Variants in C2 observed in about 807,000 individuals in gnomAD.
The protein encoded by C2 is complement C2.
C2 carries 64 observed loss-of-function variants against 85.2 expected under a neutral mutation model. The ratio of observed to expected loss-of-function variants is 0.75; its 90% CI spans 0.61 to 0.92. C2 has a LOEUF of 0.92. Among genes scored for constraint, C2 ranks in the 40% least tolerant of loss-of-function variants. The pLI is 0.00. For missense variants in C2, 820 were observed against 971.6 expected (o/e 0.84, Z 2.07); for synonymous variants, 311 against 370.8 (o/e 0.84, Z 1.85).
At chr6:31,905,825 G>T (rs936726002) in intron 1 of C2, among the ~76,000 whole-genome samples, 8 of 151,940 alleles carry the variant, frequency 5.3e-5, no homozygotes, top group African/African-American at 1.7e-4. Context: ...TTGAAAAGGG[G>T]TGTTTATGTT....
At position 31,937,402 on chromosome 6, in the gene C2, G is replaced by A. The variant is rs1395795972; in HGVS notation, c.1072G>A (p.Gly358Ser). 1.9e-6 allele frequency: 3 copies of A among 1,612,636 alleles called. No individual in the cohort carries two copies. Among genetic ancestry groups the A allele is most frequent in the Non-Finnish European group, 2.5e-6 (3 of 1,179,944 alleles). Residue 358 changes from glycine to serine, a missense_variant, in exon 8 of 18, where the codon GGC becomes AGC. Gly to Ser is a moderately conservative substitution (Grantham distance 56). Coordinates refer to ENST00000299367, the MANE Select transcript of C2 (RefSeq NM_000063.6). ...LMMNNQMRLL[G>S]METMAWQEIR... The stretch of plus-strand genomic sequence containing the variant: ...GATGAACAACCAAATGCGACTCCTC[G>A]GCATGGAAACGATGGCCTGGCAGGA...
intron 3 of C2, among the ~76,000 whole-genome samples, chr6:31,931,262 C>CTTTTTT (rs748883719): frequency 9.0e-6 from 1 of 111,460 alleles, no homozygotes; most frequent in Non-Finnish European, 1.9e-5. Flanking sequence ...TAGGAACATT[C>CTTTTTT]TTTTTTTTTT....
chr6:31,941,694 G>T (rs1279785180), intron 9 of C2: 1 of 151,998 alleles, frequency 6.6e-6, no homozygotes, highest in East Asian at 1.9e-4. Context: ...TAGAGACATG[G>T]TCTCGCCATG....
intron 1 of C2, among the ~76,000 whole-genome samples, chr6:31,908,710 C>CACCCTAAT (rs1349037519): frequency 1.3e-5 from 2 of 151,634 alleles, no homozygotes; most frequent in Non-Finnish European, 2.9e-5. Context: ...CAGCAACCAC[C>CACCCTAAT]ACCCTAATCA....
chr6:31,934,732 G>T, intron 6 of C2: 1 of 1,107,130 alleles, frequency 9.0e-7, no homozygotes, highest in Non-Finnish European at 1.1e-6. Flanking sequence ...GTGATAGACT[G>T]GGCATGGTGG....
At position 31,943,387 on chromosome 6, in the gene C2, A is replaced by G. The variant is rs758730211; in HGVS notation, c.1456-29A>G. 3.7e-6 allele frequency: 6 copies of G among 1,610,780 alleles called. No individual in the cohort carries two copies. The highest frequency in any genetic ancestry group is 1.3e-5 in the African/African-American group (1 of 74,892). On this transcript the variant is annotated intron_variant, in intron 11 of 17. Transcript: ENST00000299367. This position sits in a 1 kb window ranked among gnomAD's most constrained non-coding sequence, Gnocchi z 6.4. ...GCGGCCATGGGCCAGACATACTGCA[A>G]TCTCTGAAAATCACCTGTTCCCCTG...
intron 1 of C2, among the ~76,000 whole-genome samples, chr6:31,907,140 TAAA>T (rs3037250): frequency 7.2e-6 from 1 of 139,680 alleles, no homozygotes; most frequent in African/African-American, 2.6e-5. Flanking sequence ...AACTCTGTCT[TAAA>T]AAAAAAAAAA....
intron 7 of C2, 71 bp from the exon 8 acceptor site, chr6:31,937,248 A>G: frequency 6.8e-7 from 1 of 1,477,352 alleles, no homozygotes; most frequent in Non-Finnish European, 9.5e-7. Context: ...TTGGGGGAAT[A>G]GAGTGATTCC....
chr6:31,932,030 G>A (rs565963400), intron 3 of C2, among the ~76,000 whole-genome samples: 141 of 141,822 alleles, frequency 9.9e-4, no homozygotes, highest in African/African-American at 3.3e-3. Context: ...GTGGCTGGCC[G>A]GGCAGAGGGG....
rs1771293592 is a variant in C2, at chr6:31,945,265, C to T, written c.2167C>T (p.Pro723Ser). Reference sequence around the variant, plus strand: ...CAAAAGGGCCCCTCGTAGCAAGGTCCCGCCGCCACGAGACTTTCACATCAA... The same window carrying T: ...CAAAAGGGCCCCTCGTAGCAAGGTCTCGCCGCCACGAGACTTTCACATCAA... Reference protein sequence around the residue: ...SRKRAPRSKVPPPRDFHINLF... With the variant: ...SRKRAPRSKVSPPRDFHINLF... Residue 723 changes from proline (P) to serine (S), a missense_variant, in exon 18 of 18, where the codon CCG (proline) becomes TCG (serine). Pro to Ser is a moderately conservative substitution (Grantham distance 74). Coordinates refer to ENST00000299367, the MANE Select transcript of C2 (RefSeq NM_000063.6). This position sits in a 1 kb window ranked among gnomAD's most constrained non-coding sequence, Gnocchi z 5.3. 1 of 1,612,850 alleles carries T rather than the reference C, an allele frequency of 6.2e-7. No individual in the cohort carries two copies. The highest frequency in any genetic ancestry group is 1.7e-5 in the Admixed American group (1 of 60,000).
upstream of C2, chr6:31,927,457 T>G: frequency 1.4e-6 from 2 of 1,392,152 alleles, no homozygotes; most frequent in Non-Finnish European, 1.9e-6. The surrounding 1 kb of genome is among the most constrained non-coding windows in gnomAD (Gnocchi z 4.7). Flanking sequence ...ATGGTGCACA[T>G]GTGCACGCAT....
intron 1 of C2, among the ~76,000 whole-genome samples, chr6:31,913,717 G>A (rs1476163050): frequency 6.6e-6 from 1 of 151,938 alleles, no homozygotes; most frequent in Non-Finnish European, 1.5e-5. Context: ...CGTGATCTCG[G>A]CTCACTGCAA....
At chr6:31,901,642 C>T (rs1055018189) in intron 1 of C2, among the ~76,000 whole-genome samples, 1 of 151,840 alleles carries the variant, frequency 6.6e-6, no homozygotes, top group African/African-American at 2.4e-5. Flanking sequence ...CCAAGGTGGC[C>T]CCGGTTGCAG....
chr6:31,920,635 C>T lies in C2; in HGVS notation c.-100+609C>T, dbSNP rs1044967494. On this transcript the variant is annotated intron_variant, in intron 1 of 3. Transcript: ENST00000413154. This position sits in a 1 kb window ranked among gnomAD's most constrained non-coding sequence, Gnocchi z 5.6. The stretch of plus-strand genomic sequence containing the variant: ...GTGGGTGATAACATGCACCATGCCC[C>T]CCACCAGCCCAAGGACAGTGGAGAC... Among the ~76,000 whole-genome samples the T allele has an allele frequency of 1.3e-5, 2 of 152,156 alleles. No individual in the cohort carries two copies. Among genetic ancestry groups the T allele is most frequent in the African/African-American group, 4.8e-5 (2 of 41,438 alleles).
chr6:31,944,019 G>A lies in C2; in HGVS notation c.1810+26G>A. On this transcript the variant is annotated intron_variant, in intron 14 of 17. Transcript: ENST00000299367. The surrounding 1 kb of genome is among the most constrained non-coding windows in gnomAD (Gnocchi z 5.1). ...GTGAGTGCTGGGACTTATGGTGCTT[G>A]AGAGCTGGGGCCGGGGTTTGGGGGT... The A allele has an allele frequency of 6.2e-7, 1 of 1,610,254 alleles. No individual in the cohort carries two copies. The highest frequency in any genetic ancestry group is 8.5e-7 in the Non-Finnish European group (1 of 1,177,470).
upstream of C2, among the ~76,000 whole-genome samples, chr6:31,898,969 T>A (rs1015729675): frequency 6.6e-6 from 1 of 151,928 alleles, no homozygotes; most frequent in Non-Finnish European, 1.5e-5. Flanking sequence ...AGGCAAGGGA[T>A]ATGCAGAGTT....
chr6:31,900,218 C>T (rs762290440), upstream of C2: 3 of 1,614,112 alleles, frequency 1.9e-6, no homozygotes, highest in African/African-American at 1.3e-5. This position sits in a 1 kb window ranked among gnomAD's most constrained non-coding sequence, Gnocchi z 9.7. Flanking sequence ...CTTGCCACAG[C>T]GAGGGCACAT....
At position 31,922,200 on chromosome 6, in the gene C2, G is replaced by T. The variant is rs974756878; in HGVS notation, c.-100+2174G>T. Among the ~76,000 whole-genome samples, 9 of 152,246 alleles carry T rather than the reference G, an allele frequency of 5.9e-5. No homozygotes were observed. The highest frequency in any genetic ancestry group is 3.9e-4 in the Admixed American group (6 of 15,286). ...GATAAGGCCCAAGGGATATGGTGGGGCAAGGACAGATCCACTAAAACCACC... is the reference window on the plus strand; with the variant it reads ...GATAAGGCCCAAGGGATATGGTGGGTCAAGGACAGATCCACTAAAACCACC... On this transcript the variant is annotated intron_variant, in intron 1 of 3. Transcript: ENST00000413154. The surrounding 1 kb of genome is among the most constrained non-coding windows in gnomAD (Gnocchi z 4.8).
At chr6:31,912,436 G>T (rs1768177447) in intron 1 of C2, among the ~76,000 whole-genome samples, 1 of 152,118 alleles carries the variant, frequency 6.6e-6, no homozygotes, top group Non-Finnish European at 1.5e-5. Flanking sequence ...ATTTCAGTCT[G>T]TTCTATAAAC....
Sources: allele counts gnomAD v4.1 joint callset (sites outside exome capture counted in the v4.1 genomes callset), GRCh38; gene constraint gnomAD v4.1.1; non-coding constraint Gnocchi (gnomAD v3.1); transcripts MANE v1.5; gene names NCBI Gene and HGNC (gene_info 2026-07-23, HGNC 2026-07-21).